Variants in PPIP5K1 observed in about 807,000 individuals in gnomAD.
PPIP5K1 encodes diphosphoinositol pentakisphosphate kinase 1.
PPIP5K1 carries 6 observed loss-of-function variants against 27.7 expected under a neutral mutation model. The ratio of observed to expected loss-of-function variants is 0.22; its 90% CI spans 0.12 to 0.43. The LOEUF is 0.43. Ranked by LOEUF, PPIP5K1 falls within the 20% of genes least tolerant of loss-of-function variation. The pLI, the probability that PPIP5K1 is intolerant of heterozygous loss-of-function variation, is 1.00. For missense variants in PPIP5K1, 394 were observed against 635.4 expected (o/e 0.62, Z 4.08); for synonymous variants, 145 against 242.6 (o/e 0.60, Z 3.74).
At chr15:43,535,686 A>G (rs530319381) in intron 31 of PPIP5K1, among the ~76,000 whole-genome samples, 23 of 152,340 alleles carry the variant, frequency 1.5e-4, no homozygotes, top group African/African-American at 5.5e-4. Flanking sequence ...GAGAGTAACA[A>G]TAAGGTACAT....
intron 30 of PPIP5K1, among the ~76,000 whole-genome samples, chr15:43,540,538 AAT>A (rs2080528806): frequency 6.6e-6 from 1 of 152,020 alleles, no homozygotes; most frequent in South Asian, 2.1e-4. Flanking sequence ...CTCTACTAAA[AAT>A]ACAAAAATTA....
chr15:43,556,056 A>G (rs1291904058), intron 30 of PPIP5K1, among the ~76,000 whole-genome samples: 2 of 152,264 alleles, frequency 1.3e-5, no homozygotes, highest in East Asian at 3.9e-4. Context: ...GCAGTGACTC[A>G]TGCCTGTAAT....
intron 30 of PPIP5K1, among the ~76,000 whole-genome samples, chr15:43,545,050 C>T (rs990809363): frequency 4.7e-5 from 7 of 149,034 alleles, no homozygotes; most frequent in East Asian, 4.0e-4. Flanking sequence ...TAGTGGTGGG[C>T]GCCTGTAGTC....
chr15:43,557,223 G>A (rs1333369285), intron 30 of PPIP5K1, among the ~76,000 whole-genome samples: 1 of 152,152 alleles, frequency 6.6e-6, no homozygotes, highest in Non-Finnish European at 1.5e-5. Context: ...AGGGGGGGTG[G>A]ATCACCTGAG....
At chr15:43,554,586 T>C (rs2082667262) in intron 30 of PPIP5K1, among the ~76,000 whole-genome samples, 1 of 151,268 alleles carries the variant, frequency 6.6e-6, no homozygotes, top group Non-Finnish European at 1.5e-5. Flanking sequence ...TCGGACCTAA[T>C]GTGAGACTCT....
chr15:43,556,305 T>G (rs1040256550), intron 30 of PPIP5K1, among the ~76,000 whole-genome samples: 5 of 148,858 alleles, frequency 3.4e-5, no homozygotes, highest in Admixed American at 6.7e-5. Context: ...GGCAACAGAG[T>G]GAGACTCCAT....
intron 30 of PPIP5K1, among the ~76,000 whole-genome samples, chr15:43,544,549 C>T (rs2081138367): frequency 6.6e-6 from 1 of 152,198 alleles, no homozygotes; most frequent in African/African-American, 2.4e-5. Context: ...AATCCCAGCA[C>T]TTTGGGAGGC....
chr15:43,556,846 G>A (rs924720509), intron 30 of PPIP5K1, among the ~76,000 whole-genome samples: 8 of 152,204 alleles, frequency 5.3e-5, no homozygotes, highest in African/African-American at 1.9e-4. Context: ...TGGGGCAAGA[G>A]TGAGTAAAAA....
intron 30 of PPIP5K1, among the ~76,000 whole-genome samples, chr15:43,556,395 G>A (rs1454313858): frequency 1.3e-5 from 2 of 152,008 alleles, no homozygotes; most frequent in East Asian, 3.9e-4. Context: ...TAGCACCTTT[G>A]GAAGGCCGAG....
In PPIP5K1 at chr15:43,534,064, A is replaced by G. The variant is rs1194275798; in HGVS notation, c.*610T>C. 6.6e-6 allele frequency: 1 copy of G among 152,436 alleles called. No homozygotes were observed. Among genetic ancestry groups the G allele is most frequent in the Non-Finnish European group, 1.5e-5 (1 of 68,036 alleles). 9.4% of individuals were successfully genotyped at this position (152,436 alleles called of 1,614,324 possible). A position where few individuals can be genotyped will look rare whatever the true frequency, so the allele number is the denominator to read the frequency against. On this transcript the variant is annotated 3_prime_UTR_variant, in exon 32 of 32. Coordinates refer to ENST00000420765, the MANE Select transcript of PPIP5K1 (RefSeq NM_001394395.1). ...ACTCTATTTTCCAGACATTTCAGAT[A>G]GCCATCCCGGGCTCACCTGAGGAGT...
At chr15:43,579,480 C>A (rs1387448357) in intron 10 of PPIP5K1, among the ~76,000 whole-genome samples, 1 of 99,702 alleles carries the variant, frequency 1.0e-5, no homozygotes, top group Non-Finnish European at 1.7e-5. Flanking sequence ...CACATGTATG[C>A]GCATATAGAT....
intron 10 of PPIP5K1, among the ~76,000 whole-genome samples, chr15:43,579,419 C>CACACACAT (rs1555441055): frequency 8.6e-6 from 1 of 116,206 alleles, no homozygotes. Flanking sequence ...CACACACACA[C>CACACACAT]ACACGTATGT....
At chr15:43,547,786 C>T (rs765147476) in intron 30 of PPIP5K1, among the ~76,000 whole-genome samples, 6 of 152,154 alleles carry the variant, frequency 3.9e-5, no homozygotes, top group Admixed American at 6.5e-5. Flanking sequence ...AAGTTTGAGT[C>T]CTCCAGTTTT....
chr15:43,558,253 G>T (rs997875011), intron 30 of PPIP5K1, among the ~76,000 whole-genome samples: 2 of 149,614 alleles, frequency 1.3e-5, no homozygotes, highest in Non-Finnish European at 3.0e-5. Flanking sequence ...TTTTGAGATG[G>T]AGTCTCACTC....
Position 43,534,478 on chromosome 15 carries a change from G to T in PPIP5K1, c.*196C>A, listed in dbSNP as rs2079569490. 2 of 488,482 alleles carry T rather than the reference G, an allele frequency of 4.1e-6. No homozygotes were observed. Among genetic ancestry groups the T allele is most frequent in the Non-Finnish European group, 7.0e-6 (2 of 283,920 alleles). The allele number at this position is 488,482 out of a possible 1,614,324, so 30.3% of individuals were successfully genotyped here. On this transcript the variant is annotated 3_prime_UTR_variant, in exon 32 of 32. Coordinates refer to ENST00000420765, the MANE Select transcript of PPIP5K1 (RefSeq NM_001394395.1). ...GGCCAGTGAGTTAGCCAACAGAAAA[G>T]GTTGCTGGCTCAAATGGCTGGTATA...
At chr15:43,553,133 T>C (rs2082443546) in intron 30 of PPIP5K1, among the ~76,000 whole-genome samples, 1 of 152,256 alleles carries the variant, frequency 6.6e-6, no homozygotes, top group Non-Finnish European at 1.5e-5. Flanking sequence ...CATTCCATTG[T>C]GGTTGGAGAA....
chr15:43,578,518 A>G (rs2084541250), intron 11 of PPIP5K1, among the ~76,000 whole-genome samples: 1 of 32,640 alleles, frequency 3.1e-5, no homozygotes, highest in African/African-American at 8.8e-5. Context: ...CCTGGGAGAC[A>G]GAGCCAGATC....
intron 10 of PPIP5K1, among the ~76,000 whole-genome samples, chr15:43,579,627 G>A (rs1409069243): frequency 8.4e-4 from 50 of 59,182 alleles, no homozygotes; most frequent in Middle Eastern, 0.01. Context: ...GTGTGTGTGT[G>A]TGTGTATATA....
In PPIP5K1 at chr15:43,550,486, G is replaced by A. The variant is rs779298627; in HGVS notation, c.3556+8309C>T. The stretch of plus-strand genomic sequence containing the variant: ...ACCTGCAACTCTGCTAAATTTGTTC[G>A]TTAGCTTTAATAGCCGCTTTTTTAT... On this transcript the variant is annotated intron_variant, in intron 30 of 31. Coordinates refer to ENST00000420765, the MANE Select transcript of PPIP5K1 (RefSeq NM_001394395.1). 2.3e-4 allele frequency among the ~76,000 whole-genome samples: 35 copies of A among 152,224 alleles called. 1 individual carries two copies. The highest frequency in any genetic ancestry group is 4.1e-4 in the Non-Finnish European group (28 of 68,014).
Sources: allele counts gnomAD v4.1 joint callset (sites outside exome capture counted in the v4.1 genomes callset), GRCh38; gene constraint gnomAD v4.1.1; transcripts MANE v1.5; gene names NCBI Gene and HGNC (gene_info 2026-07-23, HGNC 2026-07-21).